Variants in RIMS2 observed in about 807,000 individuals in gnomAD.
RIMS2 encodes regulating synaptic membrane exocytosis protein 2.
A neutral mutation model predicts 174.4 loss-of-function variants in RIMS2; 59 were observed. The observed-to-expected ratio is 0.34, with a 90% CI of 0.27 to 0.42. The LOEUF is 0.42. RIMS2 is among the 10% of genes least tolerant of loss of function. The probability of loss-of-function intolerance (pLI) is 1.00; values close to 1 mark genes in which losing one functional copy is unlikely to be tolerated. For missense variants in RIMS2, 1,620 were observed against 1,666.3 expected (o/e 0.97, Z 0.48); for synonymous variants, 606 against 572.5 (o/e 1.06, Z -0.84).
intron 19 of RIMS2, among the ~76,000 whole-genome samples, chr8:104,203,393 G>T (rs2099064145): frequency 6.6e-6 from 1 of 151,252 alleles, no homozygotes; most frequent in Non-Finnish European, 1.5e-5. Context: ...TGATCTCTAA[G>T]TGAAGACACT....
chr8:103,819,103 A>G lies in RIMS2; in HGVS notation c.698+52566A>G, dbSNP rs945361105. Reference sequence around the variant, plus strand: ...CTTGTCCCCATTTTTATTACTTCTGATATTTTATTGCTGGCAGCCAGATGT... The same window carrying G: ...CTTGTCCCCATTTTTATTACTTCTGGTATTTTATTGCTGGCAGCCAGATGT... On this transcript the variant is annotated intron_variant, in intron 3 of 23. Coordinates refer to ENST00000504942, the Ensembl canonical transcript of RIMS2. 1.7e-4 allele frequency: 83 copies of G among 498,010 alleles called. 1 individual carries two copies. Among genetic ancestry groups the G allele is most frequent in the Non-Finnish European group, 2.1e-4 (80 of 377,324 alleles). The allele number at this position is 498,010 out of a possible 1,614,324, so 30.8% of individuals were successfully genotyped here. A position where few individuals can be genotyped will look rare whatever the true frequency, so the allele number is the denominator to read the frequency against.
chr8:104,148,874 C>T (rs1465754198), intron 19 of RIMS2, 26 bp downstream of exon 25: 6 of 1,588,682 alleles, frequency 3.8e-6, no homozygotes, highest in Non-Finnish European at 5.1e-6. Flanking sequence ...TTACTTTTAA[C>T]TTGATATTTG....
intron 2 of RIMS2, among the ~76,000 whole-genome samples, chr8:103,741,549 G>C (rs1260973547): frequency 2.0e-5 from 3 of 151,974 alleles, no homozygotes; most frequent in Admixed American, 1.3e-4. Context: ...CAGGTGGTGA[G>C]TCATTCTGTC....
chr8:103,580,414 A>T (rs1204268464), intron 1 of RIMS2, among the ~76,000 whole-genome samples: 3 of 149,694 alleles, frequency 2.0e-5, no homozygotes, highest in African/African-American at 7.3e-5. Flanking sequence ...CTACAAATCA[A>T]AGACTGTAAA....
chr8:103,790,272 C>T (rs1017498407), intron 3 of RIMS2, among the ~76,000 whole-genome samples: 4 of 152,194 alleles, frequency 2.6e-5, no homozygotes, highest in African/African-American at 9.7e-5. Context: ...CTTCTCTTTC[C>T]TCAGTCCTCT....
rs73295549 is a variant in RIMS2, at chr8:104,004,473, T to C, written c.3045-8969T>C. Reference sequence around the variant, plus strand: ...GTTGGATATGTCAAGTGAGGTGTCATGGATGACTTTAGCTGGGGTAATTTT... The same window carrying C: ...GTTGGATATGTCAAGTGAGGTGTCACGGATGACTTTAGCTGGGGTAATTTT... On this transcript the variant is annotated intron_variant, in intron 17 of 23. Coordinates refer to ENST00000504942, the Ensembl canonical transcript of RIMS2. 9.8e-3 allele frequency among the ~76,000 whole-genome samples: 1,492 copies of C among 152,090 alleles called. 28 individuals are homozygous for C. The highest frequency in any genetic ancestry group is 0.033 in the African/African-American group (1,380 of 41,512).
At chr8:104,001,801 T>C (rs907626070) in intron 17 of RIMS2, among the ~76,000 whole-genome samples, 2 of 152,066 alleles carry the variant, frequency 1.3e-5, no homozygotes, top group African/African-American at 4.8e-5. Flanking sequence ...TCTGTAATGT[T>C]TCGTGATTGT....
At chr8:103,833,049 C>T (rs1461731095) in intron 3 of RIMS2, among the ~76,000 whole-genome samples, 2 of 152,204 alleles carry the variant, frequency 1.3e-5, no homozygotes. Flanking sequence ...ATATTCACAT[C>T]TCCATTTGTA....
intron 19 of RIMS2, among the ~76,000 whole-genome samples, chr8:104,129,879 T>C (rs528566273): frequency 5.8e-4 from 89 of 152,340 alleles, no homozygotes; most frequent in African/African-American, 2.1e-3. Flanking sequence ...GATGTACAGA[T>C]AATATGTGTT....
At chr8:103,585,451 T>C (rs1000766558) in intron 1 of RIMS2, among the ~76,000 whole-genome samples, 4 of 152,198 alleles carry the variant, frequency 2.6e-5, no homozygotes, top group Non-Finnish European at 5.9e-5. Context: ...ATTGCGGCAC[T>C]ATTTACAATA....
intron 1 of RIMS2, among the ~76,000 whole-genome samples, chr8:103,576,677 C>T (rs751174619): frequency 6.6e-5 from 10 of 152,296 alleles, no homozygotes; most frequent in Admixed American, 5.9e-4. Context: ...TCAAACTATA[C>T]TACAAGGCTA....
intron 19 of RIMS2, among the ~76,000 whole-genome samples, chr8:104,123,556 A>C (rs2098402939): frequency 6.6e-6 from 1 of 152,022 alleles, no homozygotes; most frequent in East Asian, 1.9e-4. Flanking sequence ...TTTTAGAAAT[A>C]GCATTTGATA....
intron 2 of RIMS2, among the ~76,000 whole-genome samples, chr8:103,739,922 A>G (rs915885205): frequency 2.0e-5 from 3 of 152,240 alleles, no homozygotes; most frequent in Admixed American, 6.5e-5. Context: ...TGTCATCATT[A>G]TATATCTTGG....
chr8:103,531,287 CAGA>C (rs1408787238), intron 1 of RIMS2, among the ~76,000 whole-genome samples: 2 of 151,870 alleles, frequency 1.3e-5, no homozygotes, highest in Non-Finnish European at 2.9e-5. Context: ...TCAAAAAAAT[CAGA>C]AGATTGAAAT....
chr8:103,865,482 G>A (rs1311740719), intron 3 of RIMS2, among the ~76,000 whole-genome samples: 2 of 151,008 alleles, frequency 1.3e-5, no homozygotes, highest in South Asian at 2.1e-4. Flanking sequence ...ATGGGGTTTC[G>A]CCATGTTGGC....
intron 17 of RIMS2, among the ~76,000 whole-genome samples, chr8:103,992,477 T>C (rs2094788770): frequency 6.6e-6 from 1 of 151,772 alleles, no homozygotes; most frequent in Non-Finnish European, 1.5e-5. Context: ...TTGTGTAGAA[T>C]GAATGTAGGG....
intron 19 of RIMS2, 96 bp downstream of exon 23, chr8:104,068,708 A>T (rs1453157431): frequency 1.2e-5 from 8 of 670,058 alleles, no homozygotes; most frequent in Non-Finnish European, 2.1e-5. Context: ...TCAGACACAA[A>T]CATATAATGC....
chr8:103,686,020 C>T (rs566112344), intron 1 of RIMS2, among the ~76,000 whole-genome samples: 7 of 152,164 alleles, frequency 4.6e-5, no homozygotes, highest in Non-Finnish European at 8.8e-5. Flanking sequence ...TTATAGTTTT[C>T]GCCATAGGAA....
At chr8:103,585,801 C>T (rs118026380) in intron 1 of RIMS2, among the ~76,000 whole-genome samples, 1 of 151,592 alleles carries the variant, frequency 6.6e-6, no homozygotes, top group African/African-American at 2.4e-5. Flanking sequence ...AACTGGATGA[C>T]AGGCTGACAG....
Sources: allele counts gnomAD v4.1 joint callset (sites outside exome capture counted in the v4.1 genomes callset), GRCh38; gene constraint gnomAD v4.1.1; transcripts MANE v1.5; gene names NCBI Gene and HGNC (gene_info 2026-07-23, HGNC 2026-07-21).